RXRA: variants seen among roughly 807,000 people sequenced by gnomAD.
RXRA encodes the protein retinoid X receptor alpha.
In RXRA, 5 loss-of-function variants were observed where a neutral mutation model predicts 44.5. That is an observed-to-expected ratio of 0.11 (90% CI 0.06 to 0.24). The LOEUF (loss-of-function observed/expected upper bound fraction) is 0.24, where lower values mean the gene tolerates loss of function less well. RXRA is among the 10% of genes least tolerant of loss of function. The pLI is 1.00. For missense variants in RXRA, 412 were observed against 646.5 expected, an observed-to-expected ratio of 0.64 and a Z score of 3.93; for synonymous variants, 291 against 271.4, an observed-to-expected ratio of 1.07 and a Z score of -0.71.
chr9:134,423,162 C>G (rs990360640), intron 6 of RXRA: 1 of 985,264 alleles, frequency 1.0e-6, no homozygotes, highest in Admixed American at 6.1e-5. Context: ...TGGTTCTTGC[C>G]GAGTCAGCCG....
At chr9:134,362,525 C>T (rs1025563985) in intron 1 of RXRA, among the ~76,000 whole-genome samples, 8 of 152,236 alleles carry the variant, frequency 5.3e-5, no homozygotes, top group Middle Eastern at 3.2e-3. Context: ...GAGTCTGCCT[C>T]GTGGTCACAG....
chr9:134,339,830 TGTGA>T (rs1830063782), intron 1 of RXRA, among the ~76,000 whole-genome samples: 1 of 135,126 alleles, frequency 7.4e-6, no homozygotes, highest in Non-Finnish European at 1.6e-5. Flanking sequence ...TGTGTGTGTG[TGTGA>T]GTCTGTGTGT....
Position 134,436,561 on chromosome 9 carries a change from C to T in RXRA, c.1336C>T (p.Pro446Ser), listed in dbSNP as rs1432522738. The change falls in exon 10 of 10, where the codon CCC (proline) becomes TCC (serine). Residue 446 changes from proline (P) to serine (S), a missense_variant. Transcript: ENST00000481739. ...CTTCTTCAAGCTCATCGGGGACACA[C>T]CCATTGACACCTTCCTTATGGAGAT... ...LFFFKLIGDTPIDTFLMEMLE... is the reference protein window; with the variant it reads ...LFFFKLIGDTSIDTFLMEMLE... 1 of 1,614,058 alleles carries T rather than the reference C, an allele frequency of 6.2e-7. No individual in the cohort carries two copies. Among genetic ancestry groups the T allele is most frequent in the African/African-American group, 1.3e-5 (1 of 74,952 alleles).
rs376727369 is a variant in RXRA, at chr9:134,407,575, G to A, written c.280-574G>A. ...GGTGTGCAGAGAGGCCAGTGGTGTC[G>A]TGCCACCCGATGCCCGGGGGTGTCC... On this transcript the variant is annotated intron_variant, in intron 2 of 9. Transcript: ENST00000481739. This position sits in a 1 kb window ranked among gnomAD's most constrained non-coding sequence, Gnocchi z 4.8. 3.3e-5 allele frequency among the ~76,000 whole-genome samples: 5 copies of A among 152,078 alleles called. No individual in the cohort carries two copies. Among genetic ancestry groups the A allele is most frequent in the East Asian group, 1.9e-4 (1 of 5,152 alleles).
intron 1 of RXRA, among the ~76,000 whole-genome samples, chr9:134,399,546 C>G (rs1248926991): frequency 3.3e-5 from 5 of 152,126 alleles, no homozygotes; most frequent in Admixed American, 3.3e-4. Flanking sequence ...GTGGAGACCT[C>G]TGGGCTGCAT....
chr9:134,365,897 G>A lies in RXRA; in HGVS notation c.29-35735G>A, dbSNP rs1830408782. Reference sequence around the variant, plus strand: ...GGGGAGGGTTCCTGGGCTGGGATTGGCCGTCGGGGAGGTGCACACAGACGC... The same window carrying A: ...GGGGAGGGTTCCTGGGCTGGGATTGACCGTCGGGGAGGTGCACACAGACGC... On this transcript the variant is annotated intron_variant, in intron 1 of 9. Transcript: ENST00000481739. The surrounding 1 kb of genome is among the most constrained non-coding windows in gnomAD (Gnocchi z 4.0). Among the ~76,000 whole-genome samples, 1 of 152,112 alleles carries A rather than the reference G, an allele frequency of 6.6e-6. No individual in the cohort carries two copies.
chr9:134,329,802 T>C (rs11793161), intron 1 of RXRA, among the ~76,000 whole-genome samples: 54,593 of 151,956 alleles, frequency 0.36, 10,808 homozygotes, highest in African/African-American at 0.53. Context: ...CGTGGCTGTG[T>C]GGGAGGTCGC....
chr9:134,439,981 C>G lies in RXRA; in HGVS notation c.*3367C>G, dbSNP rs368905514. 74 of 152,486 alleles carry G rather than the reference C, an allele frequency of 4.9e-4. 1 individual carries two copies. In the East Asian group the frequency reaches 0.014, roughly 29 times the overall value. 9.4% of individuals were successfully genotyped at this position (152,486 alleles called of 1,614,324 possible). ...TTGGAGCAGACAGCTTTAGCCGTTCCCAATCCTTAGCAATGCCTTAGCTGG... is the reference window on the plus strand; with the variant it reads ...TTGGAGCAGACAGCTTTAGCCGTTCGCAATCCTTAGCAATGCCTTAGCTGG... On this transcript the variant is annotated 3_prime_UTR_variant, in exon 10 of 10. Transcript: ENST00000481739.
chr9:134,416,717 A>G (rs1427674701), intron 4 of RXRA, among the ~76,000 whole-genome samples: 2 of 150,628 alleles, frequency 1.3e-5, no homozygotes, highest in African/African-American at 4.9e-5. Context: ...CTGCCTCATG[A>G]GCGTGCTCTG....
chr9:134,417,212 C>G lies in RXRA; in HGVS notation c.665C>G (p.Ser222Trp). The part of the protein sequence containing the change: ...GKDRNENEVE[S>W]TSSANEDMPV... Reference sequence around the variant, plus strand: ...GACCGGAACGAGAATGAGGTGGAGTCGACCAGCAGCGCCAACGAGGACATG... The same window carrying G: ...GACCGGAACGAGAATGAGGTGGAGTGGACCAGCAGCGCCAACGAGGACATG... The change falls in exon 5 of 10, where the codon TCG (serine) becomes TGG (tryptophan). Residue 222 changes from serine to tryptophan, a missense_variant. Ser to Trp is a radical substitution (Grantham distance 177). Transcript: ENST00000481739. This position sits in a 1 kb window ranked among gnomAD's most constrained non-coding sequence, Gnocchi z 6.1. 6.2e-7 allele frequency: 1 copy of G among 1,613,576 alleles called. No individual in the cohort carries two copies. The highest frequency in any genetic ancestry group is 1.1e-5 in the South Asian group (1 of 91,082).
intron 1 of RXRA, among the ~76,000 whole-genome samples, chr9:134,332,387 G>A (rs138288577): frequency 9.0e-4 from 137 of 152,330 alleles, no homozygotes; most frequent in African/African-American, 3.2e-3. Context: ...GCAGGCGTCC[G>A]CCGCAGCCTT....
intron 1 of RXRA, chr9:134,379,207 G>T (rs1398765267): frequency 2.1e-6 from 2 of 934,490 alleles, no homozygotes; most frequent in Admixed American, 6.2e-5. Context: ...CTGCTTGTCC[G>T]TGCTTAACTG....
intron 1 of RXRA, among the ~76,000 whole-genome samples, chr9:134,376,157 C>T (rs746587629): frequency 6.6e-6 from 1 of 152,158 alleles, no homozygotes; most frequent in South Asian, 2.1e-4. Context: ...CTGGTTGGGG[C>T]GGAAGAAGGC....
intron 1 of RXRA, among the ~76,000 whole-genome samples, chr9:134,370,273 T>C (rs11185662): frequency 0.27 from 40,728 of 151,950 alleles, 5,597 homozygotes; most frequent in African/African-American, 0.33. Context: ...GCTCCGCCGC[T>C]GCTGGGCAGT....
At chr9:134,350,662 C>A (rs1830210130) in intron 1 of RXRA, among the ~76,000 whole-genome samples, 1 of 152,244 alleles carries the variant, frequency 6.6e-6, no homozygotes, top group Non-Finnish European at 1.5e-5. Flanking sequence ...CCCAGCTCCA[C>A]CCTGCCCTTC....
At chr9:134,400,512 C>T (rs373000530) in intron 1 of RXRA, among the ~76,000 whole-genome samples, 18 of 152,182 alleles carry the variant, frequency 1.2e-4, no homozygotes, top group Non-Finnish European at 2.5e-4. Context: ...GTGCCCAGCC[C>T]GTCGGAGATA....
Position 134,426,260 on chromosome 9 carries a change from G to A in RXRA, c.911-2848G>A, listed in dbSNP as rs975970863. ...CCCTGAGCCGTTTAAAGCTGTGTCC[G>A]TGCCGGGCCCCCACATCACAGGGCC... On this transcript the variant is annotated intron_variant, in intron 6 of 9. Transcript: ENST00000481739. This position sits in a 1 kb window ranked among gnomAD's most constrained non-coding sequence, Gnocchi z 4.6. 1.5e-5 allele frequency: 15 copies of A among 985,444 alleles called. No individual in the cohort carries two copies. The highest frequency in any genetic ancestry group is 8.7e-5 in the African/African-American group (5 of 57,370). The allele number at this position is 985,444 out of a possible 1,614,324, so 61.0% of individuals were successfully genotyped here. A position where few individuals can be genotyped will look rare whatever the true frequency, so the allele number is the denominator to read the frequency against.
chr9:134,394,392 G>A (rs1830847513), intron 1 of RXRA, among the ~76,000 whole-genome samples: 1 of 152,156 alleles, frequency 6.6e-6, no homozygotes, highest in Middle Eastern at 3.4e-3. Flanking sequence ...GGTGTTGATG[G>A]AGCCTGTCTC....
intron 1 of RXRA, among the ~76,000 whole-genome samples, chr9:134,397,912 G>A (rs1005612342): frequency 7.2e-5 from 11 of 152,196 alleles, no homozygotes; most frequent in South Asian, 2.1e-4. Flanking sequence ...GAACCTGGAG[G>A]GCCACGGAAG....
Sources: gnomAD v4.1 joint callset for allele counts (sites outside exome capture counted in the v4.1 genomes callset) on GRCh38, gnomAD v4.1.1 for gene constraint, Gnocchi (gnomAD v3.1) non-coding constraint, MANE v1.5 for transcripts, NCBI Gene and HGNC (gene_info 2026-07-23, HGNC 2026-07-21) for gene names.